The following RPL5 variants were observed in gnomAD, a reference collection of about 807,000 sequenced individuals.
The protein encoded by RPL5 is ribosomal protein L5.
Under a neutral mutation model 38.4 loss-of-function variants are expected in RPL5, and 1 was observed. The observed-to-expected ratio is 0.03, with a 90% CI of 0.01 to 0.12. The LOEUF is 0.12. Ranked by LOEUF, RPL5 falls within the 10% of genes least tolerant of loss-of-function variation. The pLI is 1.00. For synonymous variants in RPL5, 109 were observed against 121.2 expected, an observed-to-expected ratio of 0.90 and a Z score of 0.66; for missense variants, 243 against 374.1, an observed-to-expected ratio of 0.65 and a Z score of 2.89.
Position 92,834,548 on chromosome 1 carries a change from C to G in RPL5, c.190-231C>G, listed in dbSNP as rs1005240268. Reference sequence around the variant, plus strand: ...ATAACTAAACGTTAGGTTCCTGAGACTTTGCTGACTTTAGTTATGTTTAGT... The same window carrying G: ...ATAACTAAACGTTAGGTTCCTGAGAGTTTGCTGACTTTAGTTATGTTTAGT... On this transcript the variant is annotated intron_variant, in intron 3 of 7. Transcript: ENST00000370321. Among the ~76,000 whole-genome samples, 10 of 152,320 alleles carry G rather than the reference C, an allele frequency of 6.6e-5. No homozygotes were observed. The South Asian group carries it at 8.3e-4, about 13-fold the overall frequency.
chr1:92,835,500 GAAAA>G (rs560861965), intron 4 of RPL5, among the ~76,000 whole-genome samples: 63 of 129,274 alleles, frequency 4.9e-4, no homozygotes, highest in African/African-American at 1.5e-3. Context: ...TAAAAAAGTA[GAAAA>G]AAAAAAAAAG....
intron 1 of RPL5, 170 bp from the exon 2 acceptor site, chr1:92,833,219 A>G (rs1686981282): frequency 3.0e-6 from 2 of 656,890 alleles, no homozygotes; most frequent in Non-Finnish European, 2.7e-6. Flanking sequence ...CATGGAAGGT[A>G]GAGGAAAAAG....
chr1:92,832,234 A>C, intron 1 of RPL5, 117 bp downstream of exon 1: 1 of 1,506,390 alleles, frequency 6.6e-7, no homozygotes, highest in East Asian at 2.4e-5. Flanking sequence ...TTAGATTGCT[A>C]GCTCTGACTT....
Position 92,836,412 on chromosome 1 carries a change from C to A in RPL5, c.527+20C>A. On this transcript the variant is annotated intron_variant, in intron 5 of 7. Coordinates refer to ENST00000370321, the MANE Select transcript of RPL5 (RefSeq NM_000969.5). Reference sequence around the variant, plus strand: ...TCACAGGTAAGAATACTATTTAAGACCTTGGTGCCTGGACCGTGGTACTTC... The same window carrying A: ...TCACAGGTAAGAATACTATTTAAGAACTTGGTGCCTGGACCGTGGTACTTC... 6.2e-7 allele frequency: 1 copy of A among 1,606,184 alleles called. No individual in the cohort carries two copies. Among genetic ancestry groups the A allele is most frequent in the Non-Finnish European group, 8.5e-7 (1 of 1,172,884 alleles).
rs1571038095 is a variant in RPL5 at position 92,840,471 on chromosome 1, G to A, written c.706-80G>A. 3 of 1,031,510 alleles carry A rather than the reference G, an allele frequency of 2.9e-6. No individual in the cohort carries two copies. The East Asian group carries it at 7.1e-5, about 24-fold the overall frequency. 63.9% of individuals were successfully genotyped at this position (1,031,510 alleles called of 1,614,324 possible). The stretch of plus-strand genomic sequence containing the variant: ...TCCTTTTGAGAATCTGGCTTAGAAG[G>A]ACAAGATAAGTTATGGTTGCATTAA... On this transcript the variant is annotated intron_variant, in intron 6 of 7. Transcript: ENST00000370321.
intron 7 of RPL5, chr1:92,840,876 TA>T: frequency 6.4e-6 from 4 of 624,998 alleles, no homozygotes; most frequent in South Asian, 5.8e-5. Context: ...TGCATTTTTT[TA>T]TTGGCTGACA....
intron 1 of RPL5, chr1:92,832,656 C>T (rs910039701): frequency 4.0e-5 from 13 of 324,012 alleles, no homozygotes; most frequent in African/African-American, 2.8e-4. Context: ...GCCGAGGGGT[C>T]CCTGGGCCCC....
Position 92,837,589 on chromosome 1 carries a change from A to G in RPL5, c.661A>G (p.Lys221Glu), listed in dbSNP as rs762357870. 1.2e-6 allele frequency: 2 copies of G among 1,612,176 alleles called. No homozygotes were observed. Among genetic ancestry groups the G allele is most frequent in the South Asian group, 2.2e-5 (2 of 90,982 alleles). ...LMEEDEDAYKKQFSQYIKNSV... is the reference protein window; with the variant it reads ...LMEEDEDAYKEQFSQYIKNSV... ...GGAAGAAGATGAAGATGCTTACAAG[A>G]AACAGTTCTCTCAATACATAAAGAA... is the stretch of plus-strand genomic sequence containing the variant. Residue 221 changes from lysine (K) to glutamate (E), a missense_variant, in exon 6 of 8, where the codon AAA (lysine) becomes GAA (glutamate). Physicochemically the swap from Lys to Glu is moderately conservative, Grantham distance 56. Coordinates refer to ENST00000370321, the MANE Select transcript of RPL5 (RefSeq NM_000969.5).
intron 1 of RPL5, chr1:92,832,969 T>G (rs368287683): frequency 8.3e-5 from 60 of 724,730 alleles, no homozygotes; most frequent in Non-Finnish European, 9.6e-5. Context: ...AACCGACGTT[T>G]GGCATCACTG....
chr1:92,832,103 C>T lies in RPL5; in HGVS notation c.-12C>T, dbSNP rs376524432. 8 of 1,614,042 alleles carry T rather than the reference C, an allele frequency of 5.0e-6. No homozygotes were observed. The African/African-American group carries it at 6.7e-5, about 13-fold the overall frequency. On this transcript the variant is annotated 5_prime_UTR_variant, in exon 1 of 8. Transcript: ENST00000370321. ...TCTGTCGAGCAGCGGACGCCGGTCTCTGTTCCGCAGGATGGTGAGTGGATG... is the reference window on the plus strand; with the variant it reads ...TCTGTCGAGCAGCGGACGCCGGTCTTTGTTCCGCAGGATGGTGAGTGGATG...
rs756485891 is a variant in RPL5 at position 92,834,932 on chromosome 1, T to G, written c.324+19T>G. The G allele has an allele frequency of 5.6e-6, 9 of 1,600,094 alleles. No homozygotes were observed. The African/African-American group carries it at 1.1e-4, about 19-fold the overall frequency. On this transcript the variant is annotated intron_variant, in intron 4 of 7. Transcript: ENST00000370321. ...CCGCAGGGTATGTACAAGATGATTT[T>G]AATTGATGTAGTTTGTGGCTGATTG...
chr1:92,837,317 C>A (rs1371506275), intron 5 of RPL5, 139 bp from the exon 6 acceptor site: 1 of 796,232 alleles, frequency 1.3e-6, no homozygotes, highest in Non-Finnish European at 2.3e-6. Flanking sequence ...ACTAACTGAG[C>A]AGTCAGTAGT....
chr1:92,834,898 G>T lies in RPL5; in HGVS notation c.309G>T (p.Leu103=), dbSNP rs760490644. ...ATGCTGCAGCATATTGTACTGGCCT[G>T]CTGCTGGCCCGCAGGGTATGTACAA... ...TNYAAAYCTG[L]LLARRLLNRF... The change falls in exon 4 of 8, where the codon CTG becomes CTT. Residue 103 remains leucine (L), a synonymous_variant. Coordinates refer to ENST00000370321, the MANE Select transcript of RPL5 (RefSeq NM_000969.5). 6.9e-6 allele frequency: 11 copies of T among 1,602,024 alleles called. No individual in the cohort carries two copies. The Admixed American group carries it at 1.2e-4, about 17-fold the overall frequency.
intron 6 of RPL5, chr1:92,840,201 A>C (rs1364964589): frequency 3.7e-6 from 1 of 269,650 alleles, no homozygotes; most frequent in Non-Finnish European, 7.2e-6. Context: ...TTATGGAGAC[A>C]GGTCTCACTG....
At chr1:92,838,385 T>G (rs1301603362) in intron 6 of RPL5, among the ~76,000 whole-genome samples, 1 of 152,200 alleles carries the variant, frequency 6.6e-6, no homozygotes, top group Non-Finnish European at 1.5e-5. Context: ...AAGAGGTCAT[T>G]TACTTTTGGA....
Position 92,841,893 on chromosome 1 carries a change from G to C in RPL5, c.*28G>C. 2 of 1,534,486 alleles carry C rather than the reference G, an allele frequency of 1.3e-6. No homozygotes were observed. The highest frequency in any genetic ancestry group is 1.8e-6 in the Non-Finnish European group (2 of 1,109,976). On this transcript the variant is annotated 3_prime_UTR_variant, in exon 8 of 8. Coordinates refer to ENST00000370321, the MANE Select transcript of RPL5 (RefSeq NM_000969.5). ...CCAGCAATTTTCTATGATTTTTTCAGATATAGATAATAAACTTATGAACAG... is the reference window on the plus strand; with the variant it reads ...CCAGCAATTTTCTATGATTTTTTCACATATAGATAATAAACTTATGAACAG...
rs774233666 is a variant in RPL5 at position 92,834,763 on chromosome 1, TTCTC to T, written c.190-12_190-9del. The T allele has an allele frequency of 6.2e-7, 1 of 1,612,444 alleles. No homozygotes were observed. The highest frequency in any genetic ancestry group is 1.7e-5 in the Admixed American group (1 of 60,018). ...GAAAGCAACAGATTACTAACCTAGT[TTCTC>T]TCTTACTATAGATTGCTTATGCCCG... is the stretch of plus-strand genomic sequence containing the variant. On this transcript the variant is annotated splice_polypyrimidine_tract_variant and intron_variant, in intron 3 of 7. Transcript: ENST00000370321.
intron 6 of RPL5, among the ~76,000 whole-genome samples, chr1:92,839,836 T>G (rs997150393): frequency 6.6e-6 from 1 of 152,062 alleles, no homozygotes; most frequent in Non-Finnish European, 1.5e-5. Context: ...ATTTTTCTTT[T>G]TGTTTTCTTA....
intron 5 of RPL5, 113 bp from the exon 6 acceptor site, chr1:92,837,343 A>G (rs368454833): frequency 3.3e-6 from 3 of 905,222 alleles, no homozygotes; most frequent in Admixed American, 3.4e-5. Context: ...CTTTGGTTGC[A>G]TATGATGCGA....
Sources: allele counts gnomAD v4.1 joint callset (sites outside exome capture counted in the v4.1 genomes callset), GRCh38; gene constraint gnomAD v4.1.1; transcripts MANE v1.5; gene names NCBI Gene and HGNC (gene_info 2026-07-23, HGNC 2026-07-21).